The following TRAF3IP1 variants were observed in gnomAD, a reference collection of about 807,000 sequenced individuals.
TRAF3IP1 encodes the protein TRAF3-interacting protein 1.
A neutral mutation model predicts 89.9 loss-of-function variants in TRAF3IP1; 53 were observed. The observed-to-expected ratio is 0.59, with a 90% confidence interval of 0.47 to 0.74. The LOEUF (loss-of-function observed/expected upper bound fraction) is 0.74, where lower values mean the gene tolerates loss of function less well. Among genes scored for constraint, TRAF3IP1 ranks in the 30% least tolerant of loss-of-function variants. The pLI is 0.00. For missense variants in TRAF3IP1, 806 were observed against 866.1 expected (o/e 0.93, Z 0.87); for synonymous variants, 311 against 322.1 (o/e 0.97, Z 0.37).
intron 15 of TRAF3IP1, among the ~76,000 whole-genome samples, chr2:238,366,940 G>A (rs910843297): frequency 5.9e-5 from 9 of 151,980 alleles, no homozygotes; most frequent in Non-Finnish European, 1.3e-4. Flanking sequence ...GAGGCGGGCA[G>A]ATCACGAAGT....
At chr2:238,348,453 C>T (rs557987901) in intron 10 of TRAF3IP1, among the ~76,000 whole-genome samples, 4 of 152,266 alleles carry the variant, frequency 2.6e-5, no homozygotes, top group Non-Finnish European at 5.9e-5. Context: ...CATTTCTCCT[C>T]TTGGGTTGTA....
At position 238,351,431 on chromosome 2, in the gene TRAF3IP1, C is replaced by T. The variant is rs1420907597; in HGVS notation, c.1452-1396C>T. On this transcript the variant is annotated intron_variant, in intron 12 of 16. Coordinates refer to ENST00000373327, the MANE Select transcript of TRAF3IP1 (RefSeq NM_015650.4). The surrounding 1 kb of genome is among the most constrained non-coding windows in gnomAD (Gnocchi z 5.2). ...AGCATAAGGAAATTACTGACCTTCC[C>T]TCTGGGCCCGTGACAAGAGGCCGGT... Among the ~76,000 whole-genome samples, 2 of 152,058 alleles carry T rather than the reference C, an allele frequency of 1.3e-5. No individual in the cohort carries two copies. The highest frequency in any genetic ancestry group is 2.9e-5 in the Non-Finnish European group (2 of 67,998).
At chr2:238,378,545 T>C (rs1223585396) in intron 15 of TRAF3IP1, among the ~76,000 whole-genome samples, 1 of 152,250 alleles carries the variant, frequency 6.6e-6, no homozygotes, top group East Asian at 1.9e-4. Flanking sequence ...TATAAAACTA[T>C]ATTTAATTTG....
intron 15 of TRAF3IP1, among the ~76,000 whole-genome samples, chr2:238,387,295 C>T (rs1453177327): frequency 6.6e-6 from 1 of 152,160 alleles, no homozygotes; most frequent in Non-Finnish European, 1.5e-5. Flanking sequence ...TAATGAGCAG[C>T]GGTCTGTTAT....
At chr2:238,339,167 C>G (rs1401874954) in intron 8 of TRAF3IP1, among the ~76,000 whole-genome samples, 1 of 152,252 alleles carries the variant, frequency 6.6e-6, no homozygotes, top group Non-Finnish European at 1.5e-5. Context: ...CCTTCTCTCT[C>G]TGTGTGCGTT....
At chr2:238,385,645 G>A (rs1700737798) in intron 15 of TRAF3IP1, among the ~76,000 whole-genome samples, 1 of 152,106 alleles carries the variant, frequency 6.6e-6, no homozygotes, top group African/African-American at 2.4e-5. Context: ...TTGCTACCAG[G>A]GACTGGTTTC....
At chr2:238,360,085 T>C (rs1391683530) in intron 15 of TRAF3IP1, among the ~76,000 whole-genome samples, 1 of 152,222 alleles carries the variant, frequency 6.6e-6, no homozygotes, top group East Asian at 1.9e-4. Flanking sequence ...TGTGTATATA[T>C]ACTGGACAGA....
chr2:238,385,337 A>T (rs1449346619), intron 15 of TRAF3IP1, among the ~76,000 whole-genome samples: 1 of 152,144 alleles, frequency 6.6e-6, no homozygotes, highest in African/African-American at 2.4e-5. Flanking sequence ...TTAAGTGTTG[A>T]CTACTTACCT....
At chr2:238,341,540 TTTTTTTAAAAAAA>T (rs1414735318) in intron 8 of TRAF3IP1, among the ~76,000 whole-genome samples, 1 of 146,518 alleles carries the variant, frequency 6.8e-6, no homozygotes, top group Non-Finnish European at 1.5e-5. Context: ...TTCTTTTTTT[TTTTTTTAAAAAAA>T]AAACACTGGC....
In TRAF3IP1 at chr2:238,397,569, G is replaced by A. The variant is rs748916560; in HGVS notation, c.1800G>A (p.Leu600=). Residue 600 remains leucine, a synonymous_variant, in exon 16 of 17, where the codon CTG becomes CTA. Transcript: ENST00000373327. ...IQTLCKSALP[L]GKIMDYIQED... is the part of the protein sequence containing the mutation. ...CCCTGTGCAAGAGCGCACTTCCCCT[G>A]GGGAAGATCATGGACTACATCCAGG... The A allele has an allele frequency of 6.2e-7, 1 of 1,613,052 alleles. No individual in the cohort carries two copies. Among genetic ancestry groups the A allele is most frequent in the Non-Finnish European group, 8.5e-7 (1 of 1,179,956 alleles).
chr2:238,327,308 T>A (rs962581230), intron 3 of TRAF3IP1, among the ~76,000 whole-genome samples: 4 of 152,232 alleles, frequency 2.6e-5, no homozygotes, highest in African/African-American at 9.6e-5. Context: ...CCTCCCAGGC[T>A]GACTTAGGTG....
intron 8 of TRAF3IP1, 81 bp from the exon 9 acceptor site, chr2:238,344,416 T>C (rs1389454122): frequency 9.4e-7 from 1 of 1,068,032 alleles, no homozygotes; most frequent in East Asian, 2.5e-5. Flanking sequence ...TAAGTAAGTG[T>C]GCTCTATGTT....
At chr2:238,397,363 C>T (rs1000848595) in intron 15 of TRAF3IP1, 96 bp from the exon 16 acceptor site, 2 of 1,089,840 alleles carry the variant, frequency 1.8e-6, no homozygotes, top group Non-Finnish European at 2.7e-6. Context: ...CTGCGCCTTT[C>T]CTCCCAGCCC....
At chr2:238,392,230 T>C (rs1221570614) in intron 15 of TRAF3IP1, among the ~76,000 whole-genome samples, 1 of 152,138 alleles carries the variant, frequency 6.6e-6, no homozygotes, top group Non-Finnish European at 1.5e-5. Flanking sequence ...AAAGAAATAA[T>C]AGAGATATAC....
chr2:238,372,642 TAC>T (rs758776210), intron 15 of TRAF3IP1, among the ~76,000 whole-genome samples: 35 of 152,242 alleles, frequency 2.3e-4, no homozygotes, highest in Non-Finnish European at 4.6e-4. Flanking sequence ...TTTGGGTATA[TAC>T]CCAGTAATGG....
At chr2:238,370,449 GTA>G (rs1317669928) in intron 15 of TRAF3IP1, among the ~76,000 whole-genome samples, 2 of 152,166 alleles carry the variant, frequency 1.3e-5, no homozygotes, top group Non-Finnish European at 1.5e-5. Context: ...GCATGTCTGT[GTA>G]TGTGTGTGTA....
chr2:238,367,160 T>C (rs1699912630), intron 15 of TRAF3IP1, among the ~76,000 whole-genome samples: 1 of 13,942 alleles, frequency 7.2e-5, no homozygotes, highest in African/African-American at 3.4e-4. Context: ...CAAGACTCTG[T>C]CTCAAAAAAA....
rs149936566 is a variant in TRAF3IP1, at chr2:238,355,252, C to T, written c.1613-752C>T. Among the ~76,000 whole-genome samples the T allele has an allele frequency of 7.9e-3, 1,202 of 152,202 alleles. 21 individuals are homozygous for T. The highest frequency in any genetic ancestry group is 0.027 in the African/African-American group (1,130 of 41,526). On this transcript the variant is annotated intron_variant, in intron 14 of 16. Coordinates refer to ENST00000373327, the MANE Select transcript of TRAF3IP1 (RefSeq NM_015650.4). Reference sequence around the variant, plus strand: ...CCTCTACTCTCCCTGTCTCCTCTACCCTCTACTCTCCCTGTCTCCTCTACC... The same window carrying T: ...CCTCTACTCTCCCTGTCTCCTCTACTCTCTACTCTCCCTGTCTCCTCTACC...
intron 1 of TRAF3IP1, among the ~76,000 whole-genome samples, chr2:238,322,526 C>G (rs1359042003): frequency 6.6e-6 from 1 of 151,920 alleles, no homozygotes; most frequent in Admixed American, 6.6e-5. Flanking sequence ...TCCATCTCTA[C>G]TGAAAATACA....
Sources: allele counts gnomAD v4.1 joint callset (sites outside exome capture counted in the v4.1 genomes callset), GRCh38; gene constraint gnomAD v4.1.1; non-coding constraint Gnocchi (gnomAD v3.1); transcripts MANE v1.5; gene names NCBI Gene and HGNC (gene_info 2026-07-23, HGNC 2026-07-21).